The following REEP3 variants were observed in gnomAD, a reference collection of about 807,000 sequenced individuals.
REEP3 encodes the protein receptor accessory protein 3.
Under a neutral mutation model 41.3 loss-of-function variants are expected in REEP3, and 20 were observed. The observed-to-expected ratio is 0.48, with a 90% CI of 0.34 to 0.70. The LOEUF is 0.70. REEP3 is among the 30% of genes least tolerant of loss of function. The pLI is 0.01. For missense variants in REEP3, 271 were observed against 308.8 expected (o/e 0.88, Z 0.92); for synonymous variants, 104 against 101.8 (o/e 1.02, Z -0.13).
chr10:63,574,725 G>A, intron 2 of REEP3, among the ~76,000 whole-genome samples: 1 of 151,280 alleles, frequency 6.6e-6, no homozygotes, highest in East Asian at 1.9e-4. Flanking sequence ...CTTTCCTAGA[G>A]TTGTGTGCAT....
chr10:63,538,131 G>A (rs1337655220), intron 1 of REEP3, among the ~76,000 whole-genome samples: 1 of 152,104 alleles, frequency 6.6e-6, no homozygotes, highest in Non-Finnish European at 1.5e-5. Flanking sequence ...TGTTGATATT[G>A]AAATGTAGAA....
At chr10:63,550,027 A>C (rs1955613634) in intron 1 of REEP3, among the ~76,000 whole-genome samples, 1 of 152,220 alleles carries the variant, frequency 6.6e-6, no homozygotes, top group Non-Finnish European at 1.5e-5. Context: ...GCAGTGCTGC[A>C]GGTGTATTAG....
intron 6 of REEP3, among the ~76,000 whole-genome samples, chr10:63,615,888 C>A (rs1307548271): frequency 6.6e-6 from 1 of 152,184 alleles, no homozygotes; most frequent in Non-Finnish European, 1.5e-5. Flanking sequence ...AAATTTGGCT[C>A]CTTGCTCTGT....
Position 63,602,491 on chromosome 10 carries a change from G to A in REEP3, c.417+3208G>A, listed in dbSNP as rs539078762. 2.6e-5 allele frequency among the ~76,000 whole-genome samples: 4 copies of A among 152,272 alleles called. No individual in the cohort carries two copies. The East Asian group carries it at 5.8e-4, about 22-fold the overall frequency. On this transcript the variant is annotated intron_variant, in intron 5 of 7. Coordinates refer to ENST00000373758, the MANE Select transcript of REEP3 (RefSeq NM_001001330.3). ...ATATTTAAAAGCATCCTTCAACATG[G>A]TTCTATGGAGAAAAACTGAAAATTA...
chr10:63,563,186 T>G (rs79252054), intron 1 of REEP3, among the ~76,000 whole-genome samples: 2,265 of 152,344 alleles, frequency 0.015, 25 homozygotes, highest in East Asian at 0.062. Flanking sequence ...TCTGTGGTAT[T>G]TTGTCAGGGT....
chr10:63,529,928 A>G (rs573824505), intron 1 of REEP3, among the ~76,000 whole-genome samples: 2 of 151,410 alleles, frequency 1.3e-5, no homozygotes, highest in Non-Finnish European at 2.9e-5. Flanking sequence ...ACAGGTGGCC[A>G]CCACCATGCC....
At chr10:63,558,875 A>G (rs2133368765) in intron 1 of REEP3, among the ~76,000 whole-genome samples, 1 of 152,310 alleles carries the variant, frequency 6.6e-6, no homozygotes, top group African/African-American at 2.4e-5. Flanking sequence ...CATGTCTTCC[A>G]TCATTCCAAT....
At chr10:63,586,132 G>A (rs1024071606) in intron 2 of REEP3, among the ~76,000 whole-genome samples, 1 of 152,134 alleles carries the variant, frequency 6.6e-6, no homozygotes, top group Non-Finnish European at 1.5e-5. Context: ...ATTTAGCCTA[G>A]GAGTATGTTC....
chr10:63,579,045 G>A (rs57164705), intron 2 of REEP3, among the ~76,000 whole-genome samples: 2 of 147,438 alleles, frequency 1.4e-5, no homozygotes, highest in African/African-American at 2.5e-5. Flanking sequence ...TTTTTTTGGG[G>A]GGGGGGAGAT....
At chr10:63,577,198 A>G (rs574970547) in intron 2 of REEP3, among the ~76,000 whole-genome samples, 179 of 152,294 alleles carry the variant, frequency 1.2e-3, no homozygotes, top group Non-Finnish European at 1.9e-3. Flanking sequence ...GGGGGCGCTC[A>G]ACATTCAGTT....
intron 3 of REEP3, among the ~76,000 whole-genome samples, chr10:63,597,610 A>T (rs770486932): frequency 1.4e-4 from 22 of 152,224 alleles, no homozygotes; most frequent in Admixed American, 1.4e-3. Flanking sequence ...ACTGACTTTT[A>T]CATTCAAAAA....
intron 2 of REEP3, among the ~76,000 whole-genome samples, chr10:63,582,048 T>TCTAGTTGATATTGTCAGAA (rs1955959033): frequency 6.6e-6 from 1 of 152,182 alleles, no homozygotes; most frequent in African/African-American, 2.4e-5. Flanking sequence ...ACCACCTTCC[T>TCTAGTTGATATTGTCAGAA]CTAGTTGATA....
intron 1 of REEP3, among the ~76,000 whole-genome samples, chr10:63,524,301 G>C (rs181950570): frequency 6.6e-6 from 1 of 152,198 alleles, no homozygotes; most frequent in African/African-American, 2.4e-5. Context: ...TCCTGAGCAA[G>C]ATCAGACCCT....
At chr10:63,536,901 G>A (rs1386742202) in intron 1 of REEP3, among the ~76,000 whole-genome samples, 2 of 152,162 alleles carry the variant, frequency 1.3e-5, no homozygotes, top group Non-Finnish European at 2.9e-5. Context: ...TTTTCATGAT[G>A]CCAGTAGGAG....
chr10:63,531,791 T>G (rs1322550642), intron 1 of REEP3, among the ~76,000 whole-genome samples: 1 of 152,210 alleles, frequency 6.6e-6, no homozygotes, highest in Non-Finnish European at 1.5e-5. Flanking sequence ...TTCTATGTAT[T>G]TTATGAGAGA....
chr10:63,603,755 A>G (rs957780319), intron 5 of REEP3, among the ~76,000 whole-genome samples: 3 of 152,240 alleles, frequency 2.0e-5, no homozygotes, highest in Non-Finnish European at 4.4e-5. Context: ...CCTGGAGTCT[A>G]TATTATTCAC....
At chr10:63,557,469 A>G (rs1269328240) in intron 1 of REEP3, among the ~76,000 whole-genome samples, 2 of 152,170 alleles carry the variant, frequency 1.3e-5, no homozygotes, top group Non-Finnish European at 2.9e-5. Flanking sequence ...GGGAAATGCC[A>G]CTGTTTCAAA....
At chr10:63,567,522 A>T (rs1327886075) in intron 2 of REEP3, among the ~76,000 whole-genome samples, 1 of 152,182 alleles carries the variant, frequency 6.6e-6, no homozygotes. Flanking sequence ...AATGTGTTAC[A>T]TTCCTTTTTA....
chr10:63,555,530 T>C (rs1289495399), intron 1 of REEP3, among the ~76,000 whole-genome samples: 2 of 152,186 alleles, frequency 1.3e-5, no homozygotes, highest in Non-Finnish European at 2.9e-5. Flanking sequence ...GGTACCTTGG[T>C]TATCAGTAGA....
Sources: gnomAD v4.1 joint callset for allele counts (sites outside exome capture counted in the v4.1 genomes callset) on GRCh38, gnomAD v4.1.1 for gene constraint, MANE v1.5 for transcripts, NCBI Gene and HGNC (gene_info 2026-07-23, HGNC 2026-07-21) for gene names.